The following CPAMD8 variants were observed in gnomAD, a reference collection of about 807,000 sequenced individuals.
The protein encoded by CPAMD8 is C3 and PZP-like alpha-2-macroglobulin domain-containing protein 8.
A neutral mutation model predicts 224.7 loss-of-function variants in CPAMD8; 146 were observed. The observed-to-expected ratio is 0.65, with a 90% CI of 0.57 to 0.75. The LOEUF is 0.75. Ranked by LOEUF, CPAMD8 falls within the 30% of genes least tolerant of loss-of-function variation. The probability of loss-of-function intolerance (pLI) is 0.00; values close to 1 mark genes in which losing one functional copy is unlikely to be tolerated. For missense variants in CPAMD8, 2,301 were observed against 2,537.5 expected, an observed-to-expected ratio of 0.91 and a Z score of 2.00; for synonymous variants, 966 against 1,044.6, an observed-to-expected ratio of 0.92 and a Z score of 1.45.
chr19:16,937,132 C>T (rs1353026328), intron 23 of CPAMD8, among the ~76,000 whole-genome samples: 1 of 150,736 alleles, frequency 6.6e-6, no homozygotes, highest in Non-Finnish European at 1.5e-5. Context: ...TCCCTCCCTC[C>T]CTTCCTTACT....
intron 29 of CPAMD8, 100 bp downstream of exon 29, chr19:16,914,324 G>A (rs2052848300): frequency 4.4e-6 from 4 of 906,400 alleles, no homozygotes; most frequent in South Asian, 2.8e-5. Flanking sequence ...GCAGAAGGAG[G>A]GCAGGGAGGA....
At position 16,899,909 on chromosome 19, in the gene CPAMD8, T is replaced by C. The variant is rs1380619117; in HGVS notation, c.4774-360A>G. Among the ~76,000 whole-genome samples, 2 of 151,298 alleles carry C rather than the reference T, an allele frequency of 1.3e-5. No homozygotes were observed. Among genetic ancestry groups the C allele is most frequent in the Non-Finnish European group, 3.0e-5 (2 of 67,774 alleles). On this transcript the variant is annotated intron_variant, in intron 36 of 41. Coordinates refer to ENST00000443236, the MANE Select transcript of CPAMD8 (RefSeq NM_015692.5). The surrounding 1 kb of genome is among the most constrained non-coding windows in gnomAD (Gnocchi z 5.4). ...CCTCCCAGCCTGGGATTTTTTTTTT[T>C]TTTTCAGTTTTTGATTTAAAAAAAT...
chr19:16,937,170 T>C (rs918607581), intron 23 of CPAMD8, among the ~76,000 whole-genome samples: 3 of 151,510 alleles, frequency 2.0e-5, no homozygotes, highest in East Asian at 2.0e-4. Context: ...GGTTTCTCTC[T>C]GTCAACCAGG....
intron 35 of CPAMD8, 133 bp downstream of exon 35, chr19:16,902,516 C>T: frequency 1.4e-5 from 9 of 622,610 alleles, no homozygotes; most frequent in Middle Eastern, 4.3e-4. Context: ...GACTCTGTCT[C>T]AAAAAAACAA....
At chr19:16,983,141 G>A (rs1298471123) in intron 13 of CPAMD8, among the ~76,000 whole-genome samples, 8 of 152,136 alleles carry the variant, frequency 5.3e-5, no homozygotes, top group South Asian at 2.1e-4. Flanking sequence ...GGTGGCTCAC[G>A]TCTGTAATCC....
chr19:16,928,690 C>A (rs2053449946), intron 24 of CPAMD8, among the ~76,000 whole-genome samples: 1 of 152,040 alleles, frequency 6.6e-6, no homozygotes, highest in South Asian at 2.1e-4. Context: ...TTGCTCATGT[C>A]CATTCTTCTT....
At chr19:16,989,462 T>G (rs1321287259) in intron 13 of CPAMD8, among the ~76,000 whole-genome samples, 181 bp downstream of exon 13, 1 of 152,136 alleles carries the variant, frequency 6.6e-6, no homozygotes, top group Admixed American at 6.6e-5. Context: ...AATTTTTGTA[T>G]TTTTAGTAGA....
intron 10 of CPAMD8, among the ~76,000 whole-genome samples, chr19:16,998,297 T>C (rs1349725348): frequency 1.3e-5 from 2 of 152,018 alleles, no homozygotes; most frequent in African/African-American, 4.8e-5. Context: ...CTGTCTCTAC[T>C]AAAAATACAA....
intron 27 of CPAMD8, among the ~76,000 whole-genome samples, chr19:16,919,289 G>A (rs2053081035): frequency 6.6e-6 from 1 of 152,172 alleles, no homozygotes; most frequent in Admixed American, 6.5e-5. Context: ...AGGCGCTATG[G>A]CATCCTTCCC....
chr19:16,951,067 A>G (rs1176940620), intron 20 of CPAMD8, among the ~76,000 whole-genome samples: 1 of 152,120 alleles, frequency 6.6e-6, no homozygotes, highest in Non-Finnish European at 1.5e-5. Context: ...AACCCCAATA[A>G]TATCATCGAA....
At chr19:16,931,422 C>A (rs990577739) in intron 23 of CPAMD8, among the ~76,000 whole-genome samples, 1 of 152,166 alleles carries the variant, frequency 6.6e-6, no homozygotes, top group Non-Finnish European at 1.5e-5. Flanking sequence ...GCCTATGCCA[C>A]CTGTGGGCAA....
At chr19:16,915,015 C>T (rs143162111) in intron 27 of CPAMD8, among the ~76,000 whole-genome samples, 114 of 152,324 alleles carry the variant, frequency 7.5e-4, no homozygotes, top group African/African-American at 2.4e-3. Flanking sequence ...GGCTTGAAGA[C>T]GGAGCTCTCT....
At chr19:17,002,072 GGA>G (rs886074830) in intron 9 of CPAMD8, among the ~76,000 whole-genome samples, 192 bp downstream of exon 9, 7 of 151,292 alleles carry the variant, frequency 4.6e-5, no homozygotes, top group Non-Finnish European at 8.9e-5. Flanking sequence ...GGCGCCTACT[GGA>G]GAGAGTCACA....
At chr19:16,904,184 C>A in intron 32 of CPAMD8, 42 bp downstream of exon 32, 4 of 1,183,504 alleles carry the variant, frequency 3.4e-6, no homozygotes, top group South Asian at 2.6e-5. Flanking sequence ...GGACCCCACC[C>A]ACCCAGCCCT....
At chr19:16,958,371 A>G (rs991573960) in intron 18 of CPAMD8, among the ~76,000 whole-genome samples, 1 of 151,970 alleles carries the variant, frequency 6.6e-6, no homozygotes, top group African/African-American at 2.4e-5. Flanking sequence ...AACATGCAGT[A>G]TTTGGTTTTC....
At chr19:16,981,091 G>A (rs1308710382) in intron 13 of CPAMD8, among the ~76,000 whole-genome samples, 3 of 144,440 alleles carry the variant, frequency 2.1e-5, no homozygotes, top group African/African-American at 8.4e-5. Flanking sequence ...TTGGGCTCAC[G>A]CCTGTAATCC....
At chr19:16,945,817 G>C in intron 21 of CPAMD8, 138 bp from the exon 22 acceptor site, 1 of 782,364 alleles carries the variant, frequency 1.3e-6, no homozygotes, top group Non-Finnish European at 2.2e-6. Context: ...ATGCAGATGT[G>C]TGCATGCATG....
At chr19:16,936,860 GA>G (rs1343631835) in intron 23 of CPAMD8, among the ~76,000 whole-genome samples, 1 of 152,094 alleles carries the variant, frequency 6.6e-6, no homozygotes, top group Non-Finnish European at 1.5e-5. Flanking sequence ...TTATTGTGGA[GA>G]AAAAAACTTT....
intron 12 of CPAMD8, among the ~76,000 whole-genome samples, chr19:16,993,052 A>C (rs561010026): frequency 5.9e-5 from 9 of 152,266 alleles, no homozygotes; most frequent in African/African-American, 1.9e-4. Flanking sequence ...GGCTCAATGT[A>C]GTTGAGCACT....
Sources: gnomAD v4.1 joint callset for allele counts (sites outside exome capture counted in the v4.1 genomes callset) on GRCh38, gnomAD v4.1.1 for gene constraint, Gnocchi (gnomAD v3.1) non-coding constraint, MANE v1.5 for transcripts, NCBI Gene and HGNC (gene_info 2026-07-23, HGNC 2026-07-21) for gene names.